Variants in RAB11FIP5 observed in about 807,000 individuals in gnomAD.
RAB11FIP5 encodes rab11 family-interacting protein 5.
In RAB11FIP5, 48 loss-of-function variants were observed where a neutral mutation model predicts 85.1. The ratio of observed to expected loss-of-function variants is 0.56; its 90% CI spans 0.45 to 0.72. RAB11FIP5 has a LOEUF of 0.72. Ranked by LOEUF, RAB11FIP5 falls within the 30% of genes least tolerant of loss-of-function variation. The pLI, the probability that RAB11FIP5 is intolerant of heterozygous loss-of-function variation, is 0.00. For synonymous variants in RAB11FIP5, 729 were observed against 727.3 expected (o/e 1.00, Z -0.04); for missense variants, 1,491 against 1,687.0 (o/e 0.88, Z 2.04).
In RAB11FIP5 at chr2:73,075,976, AC is replaced by A; in HGVS notation, c.3771+16del. The A allele has an allele frequency of 6.2e-7, 1 of 1,603,106 alleles. No individual in the cohort carries two copies. ...ACACATTCTGTCAGATGGCCCCCAC[AC>A]CCTGCTGGGCCTTACCTTCAGCCTT... is the stretch of plus-strand genomic sequence containing the variant. On this transcript the variant is annotated intron_variant, in intron 5 of 5. Coordinates refer to ENST00000486777, the MANE Select transcript of RAB11FIP5 (RefSeq NM_001371272.1). This position sits in a 1 kb window ranked among gnomAD's most constrained non-coding sequence, Gnocchi z 4.6.
chr2:73,088,784 AG>A, intron 2 of RAB11FIP5, 35 bp from the exon 3 acceptor site: 3 of 1,545,630 alleles, frequency 1.9e-6, no homozygotes, highest in Non-Finnish European at 2.6e-6. Context: ...GCTCGCAGGA[AG>A]AGAGGCCCCA....
At position 73,080,756 on chromosome 2, in the gene RAB11FIP5, C is replaced by G; in HGVS notation, c.2476G>C (p.Val826Leu). ...SRGENQLCPD[V>L]ETADDAWPWD... Reference sequence around the variant, plus strand: ...GGCCAGGCATCATCAGCTGTCTCGACGTCAGGGCAAAGCTGATTTTCGCCT... The same window carrying G: ...GGCCAGGCATCATCAGCTGTCTCGAGGTCAGGGCAAAGCTGATTTTCGCCT... Residue 826 changes from valine (V) to leucine (L), a missense_variant, in exon 4 of 6, where the codon GTC becomes CTC. Physicochemically the swap from Val to Leu is conservative, Grantham distance 32. Coordinates refer to ENST00000486777, the MANE Select transcript of RAB11FIP5 (RefSeq NM_001371272.1). 7 of 1,232,580 alleles carry G rather than the reference C, an allele frequency of 5.7e-6. No individual in the cohort carries two copies. The highest frequency in any genetic ancestry group is 7.1e-6 in the Non-Finnish European group (7 of 988,118). The allele number at this position is 1,232,580 out of a possible 1,614,324, so 76.4% of individuals were successfully genotyped here. A position where few individuals can be genotyped will look rare whatever the true frequency, so the allele number is the denominator to read the frequency against.
intron 1 of RAB11FIP5, 78 bp downstream of exon 1, chr2:73,112,269 G>A: frequency 1.5e-6 from 2 of 1,377,290 alleles, no homozygotes; most frequent in South Asian, 1.6e-5. Flanking sequence ...CCCGGCTGAA[G>A]TTCGGGGTCC....
chr2:73,098,021 C>T (rs148082149), intron 1 of RAB11FIP5, among the ~76,000 whole-genome samples: 26 of 152,290 alleles, frequency 1.7e-4, no homozygotes, highest in African/African-American at 6.0e-4. Flanking sequence ...TTACTCAATC[C>T]TCTTAACAAC....
At chr2:73,083,411 T>C (rs1684037526) in intron 3 of RAB11FIP5, among the ~76,000 whole-genome samples, 2 of 152,132 alleles carry the variant, frequency 1.3e-5, no homozygotes, top group Admixed American at 6.5e-5. Context: ...AACCCAGGGA[T>C]TTCTCGTAAG....
At chr2:73,082,784 G>C (rs1309905793) in intron 3 of RAB11FIP5, among the ~76,000 whole-genome samples, 1 of 152,212 alleles carries the variant, frequency 6.6e-6, no homozygotes, top group African/African-American at 2.4e-5. Context: ...CCCCTGCACT[G>C]GTGCTTATCC....
In RAB11FIP5 at chr2:73,078,001, T is replaced by C. The variant is rs1574292501; in HGVS notation, c.3581+1650A>G. On this transcript the variant is annotated intron_variant, in intron 4 of 5. Coordinates refer to ENST00000486777, the MANE Select transcript of RAB11FIP5 (RefSeq NM_001371272.1). This position sits in a 1 kb window ranked among gnomAD's most constrained non-coding sequence, Gnocchi z 4.4. ...AGATCCATGCATTCATTCTCACAAA[T>C]CGGGAAGAGTGGCAGAGCACCCATG... 6.6e-6 allele frequency among the ~76,000 whole-genome samples: 1 copy of C among 152,174 alleles called. No individual in the cohort carries two copies. The highest frequency in any genetic ancestry group is 1.5e-5 in the Non-Finnish European group (1 of 68,038).
chr2:73,097,312 C>T (rs1684340633), intron 1 of RAB11FIP5, among the ~76,000 whole-genome samples: 1 of 152,106 alleles, frequency 6.6e-6, no homozygotes, highest in African/African-American at 2.4e-5. Context: ...GCTGAGATTA[C>T]AGGCGTGAGC....
intron 1 of RAB11FIP5, among the ~76,000 whole-genome samples, chr2:73,096,666 C>T (rs548484487): frequency 2.0e-5 from 3 of 152,164 alleles, no homozygotes; most frequent in Admixed American, 1.3e-4. Context: ...CCACTGTCAC[C>T]CCATAGTCCC....
Position 73,089,674 on chromosome 2 carries a change from G to C in RAB11FIP5, c.432-359C>G. 2.7e-6 allele frequency: 1 copy of C among 370,382 alleles called. No individual in the cohort carries two copies. The highest frequency in any genetic ancestry group is 5.2e-6 in the Non-Finnish European group (1 of 192,500). 22.9% of individuals were successfully genotyped at this position (370,382 alleles called of 1,614,324 possible). A position where few individuals can be genotyped will look rare whatever the true frequency, so the allele number is the denominator to read the frequency against. ...TACATCTGAAACTCTGAGGCCCAGAGGGGTGAGGCTGGGCCTGGGAGAGCC... is the reference window on the plus strand; with the variant it reads ...TACATCTGAAACTCTGAGGCCCAGACGGGTGAGGCTGGGCCTGGGAGAGCC... On this transcript the variant is annotated intron_variant, in intron 1 of 5. Transcript: ENST00000486777. This position sits in a 1 kb window ranked among gnomAD's most constrained non-coding sequence, Gnocchi z 4.6.
Position 73,076,131 on chromosome 2 carries a change from G to C in RAB11FIP5, c.3633C>G (p.Asp1211Glu). 1 of 1,613,924 alleles carries C rather than the reference G, an allele frequency of 6.2e-7. No individual in the cohort carries two copies. The highest frequency in any genetic ancestry group is 1.1e-5 in the South Asian group (1 of 91,090). The part of the protein sequence containing the change: ...LSAAPVEGSP[D>E]RKQSRSSLSI... ...TCAGACTGGAGCGGGACTGCTTCCT[G>C]TCGGGGCTGCCCTCCACAGGGGCGG... Residue 1211 changes from aspartate (D) to glutamate (E), a missense_variant, in exon 5 of 6, where the codon GAC becomes GAG. By Grantham distance (45) the Asp-to-Glu change is conservative. Transcript: ENST00000486777.
intron 1 of RAB11FIP5, among the ~76,000 whole-genome samples, chr2:73,104,359 C>G (rs1684484529): frequency 6.6e-6 from 1 of 152,106 alleles, no homozygotes; most frequent in Non-Finnish European, 1.5e-5. Flanking sequence ...AGGCAGATCA[C>G]TTGAGGTCAG....
intron 3 of RAB11FIP5, among the ~76,000 whole-genome samples, chr2:73,082,864 G>C (rs1487923887): frequency 6.6e-6 from 1 of 152,190 alleles, no homozygotes; most frequent in Non-Finnish European, 1.5e-5. Context: ...CACTTCCCTA[G>C]GACCCAGACA....
intron 4 of RAB11FIP5, among the ~76,000 whole-genome samples, chr2:73,076,866 G>T (rs17433172): frequency 6.6e-6 from 1 of 152,114 alleles, no homozygotes; most frequent in Non-Finnish European, 1.5e-5. Context: ...AGAACAGGAC[G>T]TCGGTCTCTA....
chr2:73,091,843 T>C (rs1684218771), intron 1 of RAB11FIP5, among the ~76,000 whole-genome samples: 1 of 152,178 alleles, frequency 6.6e-6, no homozygotes, highest in Non-Finnish European at 1.5e-5. Flanking sequence ...GACTTTGGTT[T>C]TCCCTCCCAA....
chr2:73,098,860 C>T (rs1558522407), intron 1 of RAB11FIP5, among the ~76,000 whole-genome samples: 2 of 152,136 alleles, frequency 1.3e-5, no homozygotes, highest in Non-Finnish European at 2.9e-5. Flanking sequence ...AGTACCTATA[C>T]GCTTGTCACC....
In RAB11FIP5 at chr2:73,089,379, T is replaced by C. The variant is rs1381724472; in HGVS notation, c.432-64A>G. On this transcript the variant is annotated intron_variant, in intron 1 of 5. Transcript: ENST00000486777. The surrounding 1 kb of genome is among the most constrained non-coding windows in gnomAD (Gnocchi z 4.6). Reference sequence around the variant, plus strand: ...CCCAGGGAGCCTGGCTCCCGCCCGGTACCAGGCACTGCCCAGACCCCTCCT... The same window carrying C: ...CCCAGGGAGCCTGGCTCCCGCCCGGCACCAGGCACTGCCCAGACCCCTCCT... The C allele has an allele frequency of 6.6e-7, 1 of 1,522,216 alleles. No individual in the cohort carries two copies. 94.3% of individuals were successfully genotyped at this position (1,522,216 alleles called of 1,614,324 possible). A position where few individuals can be genotyped will look rare whatever the true frequency, so the allele number is the denominator to read the frequency against.
chr2:73,081,120 TCC>T lies in RAB11FIP5; in HGVS notation c.2110_2111del (p.Gly704ArgfsTer35). 5 of 1,234,050 alleles carry T rather than the reference TCC, an allele frequency of 4.1e-6. No individual in the cohort carries two copies. In the South Asian group the frequency reaches 1.2e-4, roughly 30 times the overall value. The allele number at this position is 1,234,050 out of a possible 1,614,324, so 76.4% of individuals were successfully genotyped here. On this transcript the variant is annotated frameshift_variant, in exon 4 of 6. Transcript: ENST00000486777. LOFTEE classifies it high-confidence loss of function. The surrounding 1 kb of genome is among the most constrained non-coding windows in gnomAD (Gnocchi z 4.2). ...AEPQGEPGGGGGGGGGGGGRG... is the reference protein window; with the variant it reads ...AEPQGEPGGGXGGGGGGGGRG... ...TTCCTCCTCCTCCTCCTCCTCCTCCTCCTCCTCCCCCAGGCTCTCCCTGGGGC... is the reference window on the plus strand; with the variant it reads ...TTCCTCCTCCTCCTCCTCCTCCTCCTTCCTCCCCCAGGCTCTCCCTGGGGC...
chr2:73,099,138 C>T (rs1227407140), intron 1 of RAB11FIP5, among the ~76,000 whole-genome samples: 1 of 151,000 alleles, frequency 6.6e-6, no homozygotes, highest in Non-Finnish European at 1.5e-5. Flanking sequence ...AAACCTCTGC[C>T]TCCTGAGTTC....
Sources: gnomAD v4.1 joint callset for allele counts (sites outside exome capture counted in the v4.1 genomes callset) on GRCh38, gnomAD v4.1.1 for gene constraint, Gnocchi (gnomAD v3.1) non-coding constraint, MANE v1.5 for transcripts, NCBI Gene and HGNC (gene_info 2026-07-23, HGNC 2026-07-21) for gene names.